MYO1E: variants seen among roughly 807,000 people sequenced by gnomAD.
The protein encoded by MYO1E is myosin IE, also known as unconventional myosin-Ie.
In MYO1E, 68 loss-of-function variants were observed where a neutral mutation model predicts 151.1. That is an observed-to-expected ratio of 0.45 (90% CI 0.37 to 0.55). MYO1E has a LOEUF of 0.55. Among genes scored for constraint, MYO1E ranks in the 20% least tolerant of loss-of-function variants. MYO1E has a pLI of 0.00. For missense variants in MYO1E, 1,363 were observed against 1,389.3 expected, an observed-to-expected ratio of 0.98 and a Z score of 0.30; for synonymous variants, 601 against 501.7, an observed-to-expected ratio of 1.20 and a Z score of -2.64.
At chr15:59,237,013 T>C (rs1228589198) in intron 4 of MYO1E, among the ~76,000 whole-genome samples, 1 of 152,036 alleles carries the variant, frequency 6.6e-6, no homozygotes, top group Admixed American at 6.5e-5. Flanking sequence ...ACAACTGACA[T>C]GAAGACTGTA....
At chr15:59,332,969 T>G (rs1315610677) in intron 1 of MYO1E, among the ~76,000 whole-genome samples, 2 of 152,122 alleles carry the variant, frequency 1.3e-5, no homozygotes, top group Non-Finnish European at 2.9e-5. Flanking sequence ...CTCTCCATCT[T>G]AAAAAAGGAG....
intron 17 of MYO1E, among the ~76,000 whole-genome samples, chr15:59,191,364 G>GAGAGAGAGAGAGAGAGAGAGAGAA (rs2079733137): frequency 6.7e-6 from 1 of 150,332 alleles, no homozygotes; most frequent in South Asian, 2.1e-4. Context: ...GAGAGAGAGA[G>GAGAGAGAGAGAGAGAGAGAGAGAA]AGAGAAAGAA....
At chr15:59,237,715 G>T (rs1477592180) in intron 4 of MYO1E, among the ~76,000 whole-genome samples, 1 of 152,198 alleles carries the variant, frequency 6.6e-6, no homozygotes, top group Non-Finnish European at 1.5e-5. Context: ...CAAATTAATT[G>T]TTATCGATTG....
intron 1 of MYO1E, among the ~76,000 whole-genome samples, chr15:59,338,197 T>A (rs2080741294): frequency 6.6e-6 from 1 of 151,510 alleles, no homozygotes; most frequent in Non-Finnish European, 1.5e-5. Context: ...TGCTTAGGAA[T>A]TTGGTAGCTG....
Position 59,158,175 on chromosome 15 carries a change from T to C in MYO1E, c.2878+112A>G, listed in dbSNP as rs1329539557. The C allele has an allele frequency of 5.2e-6, 5 of 956,480 alleles. No homozygotes were observed. In the East Asian group the frequency reaches 1.3e-4, roughly 25 times the overall value. The allele number at this position is 956,480 out of a possible 1,614,324, so 59.2% of individuals were successfully genotyped here. On this transcript the variant is annotated intron_variant, in intron 25 of 27. Transcript: ENST00000288235. ...GTACATGTGGCACTGAAATGGTCCA[T>C]GCCTGGTTAATATGTGTGCATTGAT...
intron 1 of MYO1E, among the ~76,000 whole-genome samples, chr15:59,331,561 T>C (rs1210273444): frequency 6.6e-6 from 1 of 152,172 alleles, no homozygotes. Context: ...ATCAACTTGA[T>C]TATCAACACC....
intron 5 of MYO1E, among the ~76,000 whole-genome samples, chr15:59,233,393 C>T (rs993434563): frequency 7.2e-5 from 11 of 151,998 alleles, no homozygotes; most frequent in Admixed American, 2.0e-4. Context: ...CGGCCGGGCG[C>T]GGTGGCTCAC....
At chr15:59,205,558 C>A in intron 14 of MYO1E, 73 bp from the exon 15 acceptor site, 1 of 1,316,704 alleles carries the variant, frequency 7.6e-7, no homozygotes, top group Non-Finnish European at 1.1e-6. Flanking sequence ...ATTTATTGAA[C>A]AAAAAATCTA....
chr15:59,200,397 GC>G (rs1231815040), intron 16 of MYO1E, among the ~76,000 whole-genome samples: 1 of 152,172 alleles, frequency 6.6e-6, no homozygotes, highest in Non-Finnish European at 1.5e-5. Flanking sequence ...TCAGCAATCT[GC>G]CCCAGTGAGC....
intron 1 of MYO1E, among the ~76,000 whole-genome samples, chr15:59,281,939 G>A (rs2080355402): frequency 6.6e-6 from 1 of 151,284 alleles, no homozygotes; most frequent in Non-Finnish European, 1.5e-5. Context: ...ACTCCAGCCT[G>A]GTGACAAAGC....
At chr15:59,179,948 G>T (rs996806754) in intron 18 of MYO1E, among the ~76,000 whole-genome samples, 1 of 152,248 alleles carries the variant, frequency 6.6e-6, no homozygotes, top group African/African-American at 2.4e-5. Flanking sequence ...CAGGCCTTGA[G>T]CGAAGCCAGG....
chr15:59,353,356 C>CAAAAAA (rs1205997737), intron 1 of MYO1E, among the ~76,000 whole-genome samples: 4 of 57,518 alleles, frequency 7.0e-5, no homozygotes, highest in African/African-American at 1.8e-4. Context: ...GACCCTGTCT[C>CAAAAAA]AAAAAAAAAA....
At chr15:59,342,131 G>C (rs551349742) in intron 1 of MYO1E, among the ~76,000 whole-genome samples, 1 of 152,266 alleles carries the variant, frequency 6.6e-6, no homozygotes, top group South Asian at 2.1e-4. Context: ...ATTTTCAGTG[G>C]TGTTGAGCAC....
intron 26 of MYO1E, among the ~76,000 whole-genome samples, chr15:59,140,135 C>G (rs1464784702): frequency 6.6e-6 from 1 of 151,920 alleles, no homozygotes; most frequent in Non-Finnish European, 1.5e-5. Context: ...GGATCCCTGG[C>G]CTCTACCCAC....
chr15:59,194,691 C>T (rs2079755227), intron 17 of MYO1E, among the ~76,000 whole-genome samples: 3 of 152,220 alleles, frequency 2.0e-5, no homozygotes. Flanking sequence ...CCTTCCCATG[C>T]TTCTATGGAC....
chr15:59,227,231 T>C (rs994984817), intron 7 of MYO1E, among the ~76,000 whole-genome samples: 1 of 152,266 alleles, frequency 6.6e-6, no homozygotes, highest in Non-Finnish European at 1.5e-5. Flanking sequence ...GTTACATCAA[T>C]ACTTTCTTGA....
chr15:59,165,546 G>A (rs1190629112), intron 22 of MYO1E, among the ~76,000 whole-genome samples: 3 of 152,146 alleles, frequency 2.0e-5, no homozygotes, highest in Non-Finnish European at 4.4e-5. Context: ...GACAAGCAGT[G>A]GTTTAAACAA....
intron 22 of MYO1E, among the ~76,000 whole-genome samples, chr15:59,167,280 G>C (rs917473432): frequency 6.6e-6 from 1 of 152,132 alleles, no homozygotes; most frequent in African/African-American, 2.4e-5. Flanking sequence ...TATTAACCCA[G>C]ACAGACAGCC....
At chr15:59,277,564 A>AAAAAAAAAAAAAAAAAAAAAAAC (rs1555416379) in intron 1 of MYO1E, among the ~76,000 whole-genome samples, 6 of 139,842 alleles carry the variant, frequency 4.3e-5, no homozygotes, top group African/African-American at 1.7e-4. Flanking sequence ...AAAAAAAAAA[A>AAAAAAAAAAAAAAAAAAAAAAAC]AAAAAAAAAC....
Sources: gnomAD v4.1 joint callset for allele counts (sites outside exome capture counted in the v4.1 genomes callset) on GRCh38, gnomAD v4.1.1 for gene constraint, MANE v1.5 for transcripts, NCBI Gene and HGNC (gene_info 2026-07-23, HGNC 2026-07-21) for gene names.